AP1B1: variants seen among roughly 807,000 people sequenced by gnomAD.
The protein encoded by AP1B1 is adaptor related protein complex 1 subunit beta 1.
Under a neutral mutation model 104.3 loss-of-function variants are expected in AP1B1, and 36 were observed. That is an observed-to-expected ratio of 0.35 (90% CI 0.26 to 0.46). AP1B1 has a LOEUF of 0.46. AP1B1 is among the 20% of genes least tolerant of loss of function. The pLI is 1.00. For missense variants in AP1B1, 901 were observed against 1,247.9 expected, an observed-to-expected ratio of 0.72 and a Z score of 4.19; for synonymous variants, 504 against 517.5, an observed-to-expected ratio of 0.97 and a Z score of 0.35.
intron 1 of AP1B1, among the ~76,000 whole-genome samples, chr22:29,377,195 C>CAAAAAAA (rs34466410): frequency 9.3e-5 from 6 of 64,696 alleles, no homozygotes; most frequent in Admixed American, 2.3e-4. Flanking sequence ...GACCCTGTCT[C>CAAAAAAA]AAAAAAAAAA....
chr22:29,329,629 C>T, intron 22 of AP1B1, 83 bp downstream of exon 22: 1 of 1,599,968 alleles, frequency 6.3e-7, no homozygotes, highest in East Asian at 2.2e-5. Context: ...GAGGTGCAGA[C>T]AGGAGACATG....
Position 29,340,799 on chromosome 22 carries a change from G to A in AP1B1, c.1855C>T (p.Pro619Ser), listed in dbSNP as rs2061703008. ...APTGAPPGEQ[P>S]DVIPAQGDLL... ...TCGCCCTGGGCGGGGATGACATCTG[G>A]CTGCTCCCCAGGAGGTGCTCCAGTA... is the stretch of plus-strand genomic sequence containing the variant. Residue 619 changes from proline (P) to serine (S), a missense_variant, in exon 14 of 23, where the codon CCA (proline) becomes TCA (serine). This residue lies in a region of AP1B1 where 424 missense variants were observed against 494.0 expected (regional missense o/e 0.86). Coordinates refer to ENST00000357586, the MANE Select transcript of AP1B1 (RefSeq NM_001127.4). 1 of 1,600,756 alleles carries A rather than the reference G, an allele frequency of 6.2e-7. No individual in the cohort carries two copies. Among genetic ancestry groups the A allele is most frequent in the Admixed American group, 1.7e-5 (1 of 57,406 alleles).
Position 29,349,340 on chromosome 22 carries a change from G to C in AP1B1, c.1315C>G (p.Leu439Val). The stretch of plus-strand genomic sequence containing the variant: ...GCAGCCCGGGCCTCAGGCTCATCCA[G>C]GGAGTCCAGATTCTCACACAGTGTG... ...IATLCENLDSLDEPEARAAMI... is the reference protein window; with the variant it reads ...IATLCENLDSVDEPEARAAMI... Residue 439 changes from leucine to valine, a missense_variant, in exon 11 of 23, where the codon CTG becomes GTG. Leu to Val is a conservative substitution (Grantham distance 32, BLOSUM62 1). Coordinates refer to ENST00000357586, the MANE Select transcript of AP1B1 (RefSeq NM_001127.4). The C allele has an allele frequency of 6.2e-7, 1 of 1,614,036 alleles. No homozygotes were observed. The highest frequency in any genetic ancestry group is 8.5e-7 in the Non-Finnish European group (1 of 1,180,020).
intron 1 of AP1B1, among the ~76,000 whole-genome samples, chr22:29,381,647 A>C (rs2062438335): frequency 6.6e-6 from 1 of 152,256 alleles, no homozygotes; most frequent in African/African-American, 2.4e-5. Context: ...ATGGAAGTTA[A>C]GTGAATAAAT....
chr22:29,357,250 T>G (rs12170282), intron 5 of AP1B1, among the ~76,000 whole-genome samples: 1,856 of 152,070 alleles, frequency 0.012, 35 homozygotes, highest in African/African-American at 0.042. Context: ...GTATTTTTAG[T>G]AGAGATGGGG....
At chr22:29,339,795 G>T in intron 14 of AP1B1, 21 bp from the exon 15 acceptor site, 1 of 1,605,152 alleles carries the variant, frequency 6.2e-7, no homozygotes, top group Non-Finnish European at 8.5e-7. Context: ...AAGCAGGCAG[G>T]TGAAGAGAAC....
intron 6 of AP1B1, among the ~76,000 whole-genome samples, 165 bp downstream of exon 6, chr22:29,356,259 GGA>G (rs1406179921): frequency 3.9e-5 from 6 of 152,350 alleles, no homozygotes; most frequent in African/African-American, 1.4e-4. Flanking sequence ...ACCTGGCTCT[GGA>G]GAGGTGGGAA....
chr22:29,333,429 C>A (rs1247807752), intron 17 of AP1B1, among the ~76,000 whole-genome samples: 3 of 152,192 alleles, frequency 2.0e-5, no homozygotes, highest in Non-Finnish European at 2.9e-5. Context: ...GGCCCACTCC[C>A]CACCAGCCTT....
chr22:29,361,288 C>G (rs368179765), intron 3 of AP1B1, among the ~76,000 whole-genome samples: 3 of 144,924 alleles, frequency 2.1e-5, no homozygotes, highest in East Asian at 4.1e-4. Context: ...GCTTGGGGGG[C>G]GATCCATGGG....
intron 11 of AP1B1, among the ~76,000 whole-genome samples, chr22:29,346,957 G>A (rs1397400122): frequency 6.6e-6 from 1 of 152,180 alleles, no homozygotes; most frequent in Non-Finnish European, 1.5e-5. Flanking sequence ...ACTGGGATCG[G>A]TGCCTGAGAG....
chr22:29,349,820 G>T (rs1020702034), intron 10 of AP1B1, among the ~76,000 whole-genome samples: 5 of 152,154 alleles, frequency 3.3e-5, no homozygotes, highest in African/African-American at 1.2e-4. Context: ...CTGGCCTGGG[G>T]ATCTGAGTTT....
intron 5 of AP1B1, 147 bp from the exon 6 acceptor site, chr22:29,356,763 A>C (rs1252256958): frequency 5.7e-6 from 4 of 700,208 alleles, no homozygotes; most frequent in Non-Finnish European, 9.4e-6. Flanking sequence ...AACGAGACCC[A>C]CTCCAAGCAC....
At chr22:29,374,406 C>G (rs1385587751) in intron 1 of AP1B1, among the ~76,000 whole-genome samples, 1 of 152,178 alleles carries the variant, frequency 6.6e-6, no homozygotes, top group Non-Finnish European at 1.5e-5. Flanking sequence ...GTATGATAAA[C>G]ATACTCACTA....
chr22:29,374,219 T>C (rs944147626), intron 1 of AP1B1, among the ~76,000 whole-genome samples: 1 of 151,860 alleles, frequency 6.6e-6, no homozygotes, highest in Non-Finnish European at 1.5e-5. Context: ...ATTTTGTTTT[T>C]AAAAAAATAA....
At chr22:29,383,578 G>A (rs1331167359) in intron 1 of AP1B1, among the ~76,000 whole-genome samples, 6 of 151,620 alleles carry the variant, frequency 4.0e-5, no homozygotes, top group Non-Finnish European at 7.4e-5. Flanking sequence ...GCGTGGTGGC[G>A]GGCGCCTGTA....
At chr22:29,351,095 T>A in intron 9 of AP1B1, 76 bp downstream of exon 9, 1 of 1,406,736 alleles carries the variant, frequency 7.1e-7, no homozygotes, top group Non-Finnish European at 9.8e-7. Flanking sequence ...TGGCAGATTC[T>A]GCTTGAATCA....
At chr22:29,346,744 A>G (rs2061798868) in intron 11 of AP1B1, among the ~76,000 whole-genome samples, 1 of 150,358 alleles carries the variant, frequency 6.7e-6, no homozygotes. Flanking sequence ...TCTGAGACAG[A>G]GGGAAGAGGC....
intron 1 of AP1B1, among the ~76,000 whole-genome samples, chr22:29,383,313 G>T (rs1569168585): frequency 6.6e-6 from 1 of 152,174 alleles, no homozygotes; most frequent in Non-Finnish European, 1.5e-5. Context: ...GATCCTAAAT[G>T]TAAGGAGGGT....
intron 1 of AP1B1, among the ~76,000 whole-genome samples, chr22:29,387,305 C>CTTTTTTT (rs1014176421): frequency 1.6e-5 from 2 of 128,076 alleles, no homozygotes; most frequent in Non-Finnish European, 3.3e-5. Context: ...AGCTAAAAAT[C>CTTTTTTT]TTTTTTTTTT....
Sources: gnomAD v4.1 joint callset for allele counts (sites outside exome capture counted in the v4.1 genomes callset) on GRCh38, gnomAD v4.1.1 for gene constraint, gnomAD v4.1.1 regional missense constraint, MANE v1.5 for transcripts, NCBI Gene and HGNC (gene_info 2026-07-23, HGNC 2026-07-21) for gene names.